The following ACADL variants were observed in gnomAD, a reference collection of about 807,000 sequenced individuals.
The protein encoded by ACADL is acyl-CoA dehydrogenase long chain.
In ACADL, 60 loss-of-function variants were observed where a neutral mutation model predicts 56.9. The ratio of observed to expected loss-of-function variants is 1.05; its 90% confidence interval spans 0.86 to 1.31. The LOEUF (loss-of-function observed/expected upper bound fraction) is 1.31. Among genes scored for constraint, ACADL ranks in the 50% most tolerant of loss-of-function variants. The pLI is 0.00. For missense variants in ACADL, 484 were observed against 525.5 expected (o/e 0.92, Z 0.77); for synonymous variants, 158 against 179.7 (o/e 0.88, Z 0.97).
intron 10 of ACADL, among the ~76,000 whole-genome samples, chr2:210,190,923 G>GTTT (rs55775332): frequency 9.1e-5 from 13 of 142,304 alleles, no homozygotes; most frequent in South Asian, 4.4e-4. Flanking sequence ...GTTGTTGTTT[G>GTTT]TTTTTTTTTT....
chr2:210,215,522 A>G (rs1209578188), intron 4 of ACADL, among the ~76,000 whole-genome samples: 1 of 152,184 alleles, frequency 6.6e-6, no homozygotes, highest in Non-Finnish European at 1.5e-5. Context: ...TCCAAATGAA[A>G]TATAATGCCC....
At chr2:210,190,799 G>T (rs1217461194) in intron 10 of ACADL, among the ~76,000 whole-genome samples, 1 of 152,066 alleles carries the variant, frequency 6.6e-6, no homozygotes, top group Non-Finnish European at 1.5e-5. Context: ...ATGTAGTTTA[G>T]TCTGGGGGAT....
rs766532954 is a variant in ACADL, at chr2:210,220,747, T to C, written c.133A>G (p.Thr45Ala). Reference sequence around the variant, plus strand: ...AAGATTCTTCGAATTCCTATATCTGTTAATTTTTTAGCAGAAGGAGTTTCT... The same window carrying C: ...AAGATTCTTCGAATTCCTATATCTGCTAATTTTTTAGCAGAAGGAGTTTCT... The part of the protein sequence containing the change: ...RLETPSAKKL[T>A]DIGIRRIFSP... Residue 45 changes from threonine (T) to alanine (A), a missense_variant, in exon 2 of 11, where the codon ACA becomes GCA. Coordinates refer to ENST00000233710, the MANE Select transcript of ACADL (RefSeq NM_001608.4). 6.8e-6 allele frequency: 11 copies of C among 1,612,272 alleles called. No homozygotes were observed. The highest frequency in any genetic ancestry group is 8.5e-6 in the Non-Finnish European group (10 of 1,178,986).
At chr2:210,201,921 TG>T (rs1487565382) in intron 8 of ACADL, among the ~76,000 whole-genome samples, 2 of 152,214 alleles carry the variant, frequency 1.3e-5, no homozygotes, top group Non-Finnish European at 2.9e-5. Context: ...TGTTTGTACC[TG>T]GGAAGCTAAA....
chr2:210,200,703 G>A (rs1688778357), intron 8 of ACADL, among the ~76,000 whole-genome samples: 1 of 152,116 alleles, frequency 6.6e-6, no homozygotes, highest in African/African-American at 2.4e-5. Context: ...AGGATGTAAA[G>A]ACTTTTTTTC....
In ACADL at chr2:210,190,357, G is replaced by C. The variant is rs1688612004; in HGVS notation, c.1200-1303C>G. On this transcript the variant is annotated intron_variant, in intron 10 of 10. Coordinates refer to ENST00000233710, the MANE Select transcript of ACADL (RefSeq NM_001608.4). Reference sequence around the variant, plus strand: ...CCTGCATTTTGAGCACTTACCTACTGTAAGCCTACTTCAGCAGTCCCAATG... The same window carrying C: ...CCTGCATTTTGAGCACTTACCTACTCTAAGCCTACTTCAGCAGTCCCAATG... Among the ~76,000 whole-genome samples the C allele has an allele frequency of 3.9e-5, 6 of 152,000 alleles. No individual in the cohort carries two copies. In the South Asian group the frequency reaches 1.2e-3, roughly 32 times the overall value.
chr2:210,211,870 G>A (rs1200831719), intron 4 of ACADL, among the ~76,000 whole-genome samples: 5 of 130,686 alleles, frequency 3.8e-5, no homozygotes, highest in South Asian at 2.4e-4. Flanking sequence ...TTCTCTTGTT[G>A]CCCAGGCTGG....
chr2:210,209,415 G>T (rs970394085), intron 5 of ACADL, among the ~76,000 whole-genome samples: 1 of 152,094 alleles, frequency 6.6e-6, no homozygotes, highest in African/African-American at 2.4e-5. Context: ...GAGCCCATTT[G>T]TAACCTTAAT....
intron 10 of ACADL, among the ~76,000 whole-genome samples, chr2:210,192,166 C>CT (rs199848154): frequency 0.012 from 1,594 of 136,928 alleles, 6 homozygotes; most frequent in South Asian, 0.02. Flanking sequence ...TTCTGTATTG[C>CT]TTTTTTTTTT....
At chr2:210,213,229 G>A (rs1384676287) in intron 4 of ACADL, among the ~76,000 whole-genome samples, 1 of 152,220 alleles carries the variant, frequency 6.6e-6, no homozygotes, top group East Asian at 1.9e-4. Flanking sequence ...GCTGGGTGTG[G>A]TGGCTCATGC....
chr2:210,211,830 ATT>A (rs34754770), intron 4 of ACADL, among the ~76,000 whole-genome samples: 105,672 of 130,962 alleles, frequency 0.81, 42,862 homozygotes, highest in East Asian at 0.98. Flanking sequence ...GCCCCTCAGC[ATT>A]TTTTTTTTTT....
chr2:210,205,425 A>G (rs1688868841), intron 6 of ACADL, among the ~76,000 whole-genome samples: 2 of 152,186 alleles, frequency 1.3e-5, no homozygotes, highest in African/African-American at 2.4e-5. Context: ...AGATATTCAA[A>G]ATACCTTGAT....
chr2:210,204,512 C>T, intron 7 of ACADL, 69 bp downstream of exon 7: 6 of 1,166,916 alleles, frequency 5.1e-6, no homozygotes, highest in Non-Finnish European at 7.7e-6. Context: ...ATAGAAATAA[C>T]ATGTTTCTAT....
At chr2:210,201,482 T>G (rs982184124) in intron 8 of ACADL, among the ~76,000 whole-genome samples, 5 of 152,096 alleles carry the variant, frequency 3.3e-5, no homozygotes, top group African/African-American at 1.2e-4. Flanking sequence ...TCAAATACAT[T>G]TTATATATTT....
At chr2:210,203,149 A>C (rs1264504351) in intron 8 of ACADL, among the ~76,000 whole-genome samples, 182 bp downstream of exon 8, 1 of 152,212 alleles carries the variant, frequency 6.6e-6, no homozygotes, top group Admixed American at 6.5e-5. Flanking sequence ...GTCTTCCTCA[A>C]GGACTGTGTC....
intron 8 of ACADL, among the ~76,000 whole-genome samples, chr2:210,200,794 C>T (rs548873372): frequency 1.6e-4 from 24 of 151,902 alleles, no homozygotes; most frequent in Non-Finnish European, 2.8e-4. Flanking sequence ...AGATCAAGAG[C>T]AAGAGGAAGT....
chr2:210,193,435 T>A (rs899851894), intron 9 of ACADL, among the ~76,000 whole-genome samples: 2 of 152,116 alleles, frequency 1.3e-5, no homozygotes, highest in Non-Finnish European at 2.9e-5. Context: ...GTATATGCTA[T>A]CATATAGGAA....
At chr2:210,197,647 C>A (rs1013154308) in intron 8 of ACADL, among the ~76,000 whole-genome samples, 6 of 152,164 alleles carry the variant, frequency 3.9e-5, no homozygotes, top group African/African-American at 1.2e-4. Context: ...GTGGATCCAA[C>A]AAGTCTCAAG....
At chr2:210,210,048 G>T in intron 5 of ACADL, 148 bp downstream of exon 5, 1 of 681,882 alleles carries the variant, frequency 1.5e-6, no homozygotes, top group South Asian at 1.6e-5. Flanking sequence ...AATATATGTT[G>T]TAAATTTACT....
Sources: allele counts gnomAD v4.1 joint callset (sites outside exome capture counted in the v4.1 genomes callset), GRCh38; gene constraint gnomAD v4.1.1; transcripts MANE v1.5; gene names NCBI Gene and HGNC (gene_info 2026-07-23, HGNC 2026-07-21).